The following ASIC2 variants were observed in gnomAD, a reference collection of about 807,000 sequenced individuals.
ASIC2 encodes the protein acid sensing ion channel subunit 2, also known as acid-sensing ion channel 2.
A neutral mutation model predicts 57.3 loss-of-function variants in ASIC2; 25 were observed. That is an observed-to-expected ratio of 0.44 (90% confidence interval 0.32 to 0.61). The LOEUF is 0.61. Ranked by LOEUF, ASIC2 falls within the 20% of genes least tolerant of loss-of-function variation. The probability of loss-of-function intolerance (pLI) is 0.06; values close to 1 mark genes in which losing one functional copy is unlikely to be tolerated. For missense variants in ASIC2, 641 were observed against 738.1 expected (o/e 0.87, Z 1.52); for synonymous variants, 319 against 307.5 (o/e 1.04, Z -0.39).
intron 1 of ASIC2, among the ~76,000 whole-genome samples, chr17:33,573,118 T>C (rs1044032241): frequency 3.3e-5 from 5 of 152,144 alleles, no homozygotes; most frequent in African/African-American, 9.7e-5. Flanking sequence ...GAAGGTGAAA[T>C]ATGGGCTTCA....
chr17:33,638,150 A>G (rs1194084762), intron 1 of ASIC2, among the ~76,000 whole-genome samples: 3 of 152,236 alleles, frequency 2.0e-5, no homozygotes, highest in African/African-American at 7.2e-5. Context: ...TGGAGAAGTT[A>G]CAAGTCTTGT....
intron 1 of ASIC2, among the ~76,000 whole-genome samples, chr17:33,735,807 T>C (rs1909894270): frequency 6.6e-6 from 1 of 152,184 alleles, no homozygotes; most frequent in Admixed American, 6.5e-5. Context: ...TAACTGCTGC[T>C]GTGTCCCAGT....
In ASIC2 at chr17:34,106,401, C is replaced by A. The variant is rs979364347; in HGVS notation, c.555+49577G>T. On this transcript the variant is annotated intron_variant, in intron 1 of 9. Transcript: ENST00000359872. ...TGATTATTTTTACCCATTTTTACTACGATGATCACAAAATGATGATTTCCA... is the reference window on the plus strand; with the variant it reads ...TGATTATTTTTACCCATTTTTACTAAGATGATCACAAAATGATGATTTCCA... 3.3e-5 allele frequency among the ~76,000 whole-genome samples: 5 copies of A among 152,140 alleles called. No homozygotes were observed. In the East Asian group the frequency reaches 9.7e-4, roughly 29 times the overall value.
intron 1 of ASIC2, among the ~76,000 whole-genome samples, chr17:33,986,776 G>T (rs1006317279): frequency 6.6e-6 from 1 of 152,098 alleles, no homozygotes; most frequent in African/African-American, 2.4e-5. Context: ...TTATACAAAT[G>T]AGAATCTGGG....
In ASIC2 at chr17:34,099,649, G is replaced by GAGGAAGGA. The variant is rs759857731; in HGVS notation, c.555+56321_555+56328dup. On this transcript the variant is annotated intron_variant, in intron 1 of 9. Transcript: ENST00000359872. ...AAAAGAAAAAGAAAGAAAGAAAAGA[G>GAGGAAGGA]AGGAAGGAAGGAAGGAAAGAAAGAA... 8.0e-4 allele frequency among the ~76,000 whole-genome samples: 104 copies of GAGGAAGGA among 129,680 alleles called. 5 individuals are homozygous for GAGGAAGGA. The highest frequency in any genetic ancestry group is 2.8e-3 in the African/African-American group (92 of 32,504). The allele number at this position is 129,680 out of a possible 152,430, so 85.1% of individuals were successfully genotyped here.
At position 34,006,960 on chromosome 17, in the gene ASIC2, T is replaced by C. The variant is rs544748435; in HGVS notation, c.555+149018A>G. Among the ~76,000 whole-genome samples the C allele has an allele frequency of 2.0e-5, 3 of 152,272 alleles. No individual in the cohort carries two copies. In the South Asian group the frequency reaches 6.2e-4, roughly 32 times the overall value. On this transcript the variant is annotated intron_variant, in intron 1 of 9. Transcript: ENST00000359872. ...GCTAAAACGCCTGATCATCCAGTGG[T>C]GATATTTTACAGAGATGAACAAGCT... is the stretch of plus-strand genomic sequence containing the variant.
intron 1 of ASIC2, among the ~76,000 whole-genome samples, chr17:33,381,826 A>G (rs1055648126): frequency 6.6e-6 from 1 of 152,226 alleles, no homozygotes; most frequent in African/African-American, 2.4e-5. Flanking sequence ...ACCAAGTTCC[A>G]TAAAATTCTC....
At chr17:33,734,792 C>G (rs1001588699) in intron 1 of ASIC2, among the ~76,000 whole-genome samples, 3 of 152,138 alleles carry the variant, frequency 2.0e-5, no homozygotes, top group Admixed American at 2.0e-4. Context: ...GCTCTGCCAG[C>G]CAAGGAGAGA....
intron 1 of ASIC2, chr17:34,001,760 T>C (rs1029656779): frequency 2.0e-5 from 3 of 152,270 alleles, no homozygotes; most frequent in Admixed American, 6.5e-5. Flanking sequence ...AACTGTCCTT[T>C]CTACCCTGTT....
intron 1 of ASIC2, among the ~76,000 whole-genome samples, chr17:33,651,345 A>G (rs1378611007): frequency 6.6e-6 from 1 of 152,238 alleles, no homozygotes. Context: ...TTGTGAGTCT[A>G]TAATTATTTC....
In ASIC2 at chr17:33,292,956, A is replaced by C. The variant is rs1034354968; in HGVS notation, c.-841T>G. 7.1e-6 allele frequency: 7 copies of C among 985,374 alleles called. No individual in the cohort carries two copies. The African/African-American group carries it at 1.0e-4, about 15-fold the overall frequency. 61.0% of individuals were successfully genotyped at this position (985,374 alleles called of 1,614,324 possible). ...TCCTTCAAGGATGCTAGCCGCAGGG[A>C]AGTGTCGCTTCTCGCCTCGGCTCTC... On this transcript the variant is annotated 5_prime_UTR_variant, in exon 1 of 10. Transcript: ENST00000225823.
chr17:33,740,371 T>C (rs1371919214), intron 1 of ASIC2, among the ~76,000 whole-genome samples: 1 of 152,184 alleles, frequency 6.6e-6, no homozygotes, highest in Non-Finnish European at 1.5e-5. Flanking sequence ...CTTACAATCA[T>C]GGCAGATGGG....
chr17:33,445,728 C>T (rs900932518), intron 1 of ASIC2, among the ~76,000 whole-genome samples: 2 of 142,184 alleles, frequency 1.4e-5, no homozygotes, highest in African/African-American at 5.2e-5. Context: ...ACTCAGGAGG[C>T]GCAGGTTGTG....
intron 1 of ASIC2, among the ~76,000 whole-genome samples, chr17:33,734,540 C>T (rs1353087419): frequency 6.6e-6 from 1 of 152,208 alleles, no homozygotes; most frequent in African/African-American, 2.4e-5. Context: ...CTACCTACCC[C>T]TCTTCCTTCA....
At chr17:34,037,818 G>A in intron 1 of ASIC2, 1 of 1,614,148 alleles carries the variant, frequency 6.2e-7, no homozygotes, top group Non-Finnish European at 8.5e-7. Flanking sequence ...GTTACTACCG[G>A]CTTTGGCGGG....
intron 1 of ASIC2, among the ~76,000 whole-genome samples, chr17:33,181,080 A>T (rs1375244480): frequency 6.6e-6 from 1 of 152,166 alleles, no homozygotes; most frequent in Non-Finnish European, 1.5e-5. Context: ...GCTGGAAGAG[A>T]CTTGGTGACC....
At chr17:33,467,275 G>A (rs970242442) in intron 1 of ASIC2, among the ~76,000 whole-genome samples, 1 of 152,094 alleles carries the variant, frequency 6.6e-6, no homozygotes, top group African/African-American at 2.4e-5. Flanking sequence ...AAAAATATGG[G>A]TGAATTCAGA....
chr17:33,224,475 G>A (rs1907802976), intron 1 of ASIC2, among the ~76,000 whole-genome samples: 2 of 152,160 alleles, frequency 1.3e-5, no homozygotes, highest in African/African-American at 2.4e-5. Context: ...CAGAGAAGGT[G>A]GAAGTGTGTC....
intron 1 of ASIC2, among the ~76,000 whole-genome samples, chr17:33,479,520 G>A (rs1913334824): frequency 6.6e-6 from 1 of 152,212 alleles, no homozygotes; most frequent in African/African-American, 2.4e-5. Context: ...ACAGTGTTCA[G>A]CTAAGTTTCT....
Sources: gnomAD v4.1 joint callset for allele counts (sites outside exome capture counted in the v4.1 genomes callset) on GRCh38, gnomAD v4.1.1 for gene constraint, MANE v1.5 for transcripts, NCBI Gene and HGNC (gene_info 2026-07-23, HGNC 2026-07-21) for gene names.